NRXN3: variants seen among roughly 807,000 people sequenced by gnomAD.
The protein encoded by NRXN3 is neurexin 3.
In NRXN3, 32 loss-of-function variants were observed where a neutral mutation model predicts 137.6. The ratio of observed to expected loss-of-function variants is 0.23; its 90% CI spans 0.18 to 0.31. NRXN3 has a LOEUF of 0.31. Ranked by LOEUF, NRXN3 falls within the 10% of genes least tolerant of loss-of-function variation. NRXN3 has a pLI of 1.00. For synonymous variants in NRXN3, 798 were observed against 784.5 expected (o/e 1.02, Z -0.29); for missense variants, 1,574 against 2,062.5 (o/e 0.76, Z 4.59).
intron 4 of NRXN3, among the ~76,000 whole-genome samples, chr14:78,531,588 C>T (rs1271631028): frequency 6.6e-6 from 1 of 151,678 alleles, no homozygotes; most frequent in African/African-American, 2.4e-5. Flanking sequence ...CCATCTGTGC[C>T]AATCTGAACT....
chr14:79,277,723 C>T (rs1440778255), intron 15 of NRXN3, among the ~76,000 whole-genome samples: 1 of 152,174 alleles, frequency 6.6e-6, no homozygotes, highest in Non-Finnish European at 1.5e-5. Flanking sequence ...TCCCTGAGAG[C>T]ATGCTGCTGG....
chr14:78,269,646 G>A (rs1251670899), intron 2 of NRXN3, among the ~76,000 whole-genome samples: 1 of 152,108 alleles, frequency 6.6e-6, no homozygotes, highest in Non-Finnish European at 1.5e-5. Context: ...AACAAAACTA[G>A]CACCAGGGCT....
intron 19 of NRXN3, among the ~76,000 whole-genome samples, chr14:79,711,455 G>A (rs2098803842): frequency 6.6e-6 from 1 of 151,242 alleles, no homozygotes; most frequent in African/African-American, 2.4e-5. Context: ...GTGTATATAT[G>A]TATATATATT....
At chr14:78,664,980 T>C (rs1239258463) in intron 6 of NRXN3, among the ~76,000 whole-genome samples, 1 of 152,176 alleles carries the variant, frequency 6.6e-6, no homozygotes, top group African/African-American at 2.4e-5. Context: ...CATTTACTTA[T>C]TCATGAATGC....
In NRXN3 at chr14:78,872,138, T is replaced by G. The variant is rs532099040; in HGVS notation, c.2275+61794T>G. ...CTATTTTTATTTTGATGTCTTTACA[T>G]TCAATACATCAATGTTGATTTTAGG... On this transcript the variant is annotated intron_variant, in intron 10 of 20. Transcript: ENST00000335750. Among the ~76,000 whole-genome samples the G allele has an allele frequency of 4.0e-5, 6 of 151,748 alleles. No homozygotes were observed. In the South Asian group the frequency reaches 1.0e-3, roughly 26 times the overall value.
chr14:79,126,505 C>T (rs1409145285), intron 15 of NRXN3, among the ~76,000 whole-genome samples: 2 of 152,122 alleles, frequency 1.3e-5, no homozygotes, highest in Non-Finnish European at 1.5e-5. Context: ...GACATGAACT[C>T]ATCATTTTTT....
At chr14:79,397,991 A>G (rs566405987) in intron 15 of NRXN3, among the ~76,000 whole-genome samples, 77 of 152,212 alleles carry the variant, frequency 5.1e-4, no homozygotes, top group Non-Finnish European at 9.8e-4. Context: ...ATGCAGTCTT[A>G]AAAAAGGACC....
At chr14:78,466,063 C>T (rs1373080854) in intron 4 of NRXN3, among the ~76,000 whole-genome samples, 1 of 151,876 alleles carries the variant, frequency 6.6e-6, no homozygotes, top group African/African-American at 2.4e-5. Context: ...CCGTGTTAGC[C>T]AGGTTGGTCT....
At chr14:79,481,712 G>T (rs781347262) in intron 16 of NRXN3, among the ~76,000 whole-genome samples, 15 of 152,206 alleles carry the variant, frequency 9.9e-5, no homozygotes, top group Non-Finnish European at 1.5e-4. Context: ...TACATGTAGA[G>T]CTGGCTAAAT....
chr14:79,661,063 A>G (rs1405163916), intron 16 of NRXN3, among the ~76,000 whole-genome samples: 1 of 152,156 alleles, frequency 6.6e-6, no homozygotes, highest in African/African-American at 2.4e-5. Flanking sequence ...GAAGAATAAA[A>G]TGGACAATAA....
chr14:78,428,650 G>A (rs1483579706), intron 4 of NRXN3, among the ~76,000 whole-genome samples: 5 of 152,114 alleles, frequency 3.3e-5, no homozygotes, highest in Admixed American at 2.6e-4. Context: ...TACAGGGTGA[G>A]TTGGCAAGCT....
chr14:79,682,115 C>T (rs752590153), intron 17 of NRXN3, among the ~76,000 whole-genome samples: 9 of 152,154 alleles, frequency 5.9e-5, no homozygotes, highest in Non-Finnish European at 8.8e-5. Context: ...CAGTTACAAT[C>T]TATCAGTGTT....
At chr14:78,476,233 C>G (rs982575493) in intron 4 of NRXN3, among the ~76,000 whole-genome samples, 2 of 152,002 alleles carry the variant, frequency 1.3e-5, no homozygotes, top group African/African-American at 2.4e-5. Context: ...AGACTATAAA[C>G]AAAGAAAGAC....
chr14:79,104,471 CTA>C (rs537967766), intron 15 of NRXN3, among the ~76,000 whole-genome samples: 140 of 152,286 alleles, frequency 9.2e-4, no homozygotes, highest in Middle Eastern at 6.8e-3. Context: ...ATGATAAAGA[CTA>C]TGACTCTGGT....
intron 15 of NRXN3, among the ~76,000 whole-genome samples, chr14:79,219,838 T>C (rs2069213040): frequency 6.6e-6 from 1 of 152,228 alleles, no homozygotes; most frequent in Non-Finnish European, 1.5e-5. Flanking sequence ...TTAATGATGC[T>C]ATAGAGGCAG....
At chr14:78,238,941 T>A (rs2066713405) in intron 1 of NRXN3, among the ~76,000 whole-genome samples, 1 of 151,632 alleles carries the variant, frequency 6.6e-6, no homozygotes, top group African/African-American at 2.4e-5. Flanking sequence ...GGCAGCAGAG[T>A]TTTTCATTCA....
chr14:78,922,107 T>A (rs2099272346), intron 10 of NRXN3, among the ~76,000 whole-genome samples: 1 of 152,228 alleles, frequency 6.6e-6, no homozygotes, highest in Non-Finnish European at 1.5e-5. Context: ...TCCATATGAC[T>A]ACAGCATGTA....
intron 4 of NRXN3, among the ~76,000 whole-genome samples, chr14:78,516,248 G>A (rs17756639): frequency 0.22 from 32,796 of 151,172 alleles, 3,898 homozygotes; most frequent in Middle Eastern, 0.3. Context: ...TTCAAAAAGC[G>A]TAAAGATTTG....
intron 8 of NRXN3, among the ~76,000 whole-genome samples, chr14:78,791,938 G>A (rs1373727277): frequency 6.6e-6 from 1 of 152,070 alleles, no homozygotes; most frequent in Non-Finnish European, 1.5e-5. Flanking sequence ...GTGGCAAGAA[G>A]TCAACGAAAC....
Sources: allele counts gnomAD v4.1 joint callset (sites outside exome capture counted in the v4.1 genomes callset), GRCh38; gene constraint gnomAD v4.1.1; transcripts MANE v1.5; gene names NCBI Gene and HGNC (gene_info 2026-07-23, HGNC 2026-07-21).